Variants in CACNB2 observed in about 807,000 individuals in gnomAD.
CACNB2 encodes voltage-dependent L-type calcium channel subunit beta-2.
A neutral mutation model predicts 73.3 loss-of-function variants in CACNB2; 42 were observed. That is an observed-to-expected ratio of 0.57 (90% confidence interval 0.45 to 0.74). The LOEUF (loss-of-function observed/expected upper bound fraction) is 0.74, where lower values mean the gene tolerates loss of function less well. Among genes scored for constraint, CACNB2 ranks in the 30% least tolerant of loss-of-function variants. The pLI, the probability that CACNB2 is intolerant of heterozygous loss-of-function variation, is 0.00. For missense variants in CACNB2, 940 were observed against 853.0 expected, an observed-to-expected ratio of 1.10 and a Z score of -1.27; for synonymous variants, 348 against 310.3, an observed-to-expected ratio of 1.12 and a Z score of -1.28.
chr10:18,258,397 T>A lies in CACNB2; in HGVS notation c.213+107422T>A, dbSNP rs1281960936. On this transcript the variant is annotated intron_variant, in intron 2 of 13. Transcript: ENST00000324631. The stretch of plus-strand genomic sequence containing the variant: ...TTTATTCTTTATTCAGTTATTCTAG[T>A]AAAAATGTGGTGATAGAGGTGATGA... Among the ~76,000 whole-genome samples the A allele has an allele frequency of 3.3e-5, 5 of 152,324 alleles. No homozygotes were observed. In the East Asian group the frequency reaches 7.7e-4, roughly 24 times the overall value.
intron 2 of CACNB2, among the ~76,000 whole-genome samples, chr10:18,173,994 C>A (rs948543452): frequency 2.6e-5 from 4 of 152,044 alleles, no homozygotes; most frequent in Non-Finnish European, 5.9e-5. Context: ...ACTCTAGTAA[C>A]AAAAACTTAT....
chr10:18,325,031 A>G (rs992965833), intron 2 of CACNB2, among the ~76,000 whole-genome samples: 1 of 152,218 alleles, frequency 6.6e-6, no homozygotes, highest in African/African-American at 2.4e-5. Flanking sequence ...CTGCTCTGCT[A>G]TTATTCTGCT....
intron 2 of CACNB2, among the ~76,000 whole-genome samples, chr10:18,346,733 A>G (rs189411127): frequency 1.7e-4 from 26 of 151,940 alleles, no homozygotes; most frequent in Admixed American, 1.6e-3. Context: ...AGTAGCTGGG[A>G]CTACAGGCAT....
intron 4 of CACNB2, among the ~76,000 whole-genome samples, chr10:18,499,374 T>C (rs555473546): frequency 2.6e-4 from 39 of 151,662 alleles, no homozygotes; most frequent in Non-Finnish European, 5.5e-4. Context: ...TCCCAACACT[T>C]TGGGAGGCCA....
intron 3 of CACNB2, among the ~76,000 whole-genome samples, chr10:18,417,733 A>G (rs1323091618): frequency 6.6e-6 from 1 of 152,172 alleles, no homozygotes; most frequent in Non-Finnish European, 1.5e-5. Flanking sequence ...ATACAAATGG[A>G]ACGTACTTAA....
chr10:18,536,242 C>CTTT, intron 12 of CACNB2, 46 bp downstream of exon 12: 3 of 281,280 alleles, frequency 1.1e-5, no homozygotes, highest in South Asian at 8.7e-5. Flanking sequence ...AGAGATCAGA[C>CTTT]CTTTTTTTTT....
At chr10:18,356,066 C>T (rs1397399086) in intron 2 of CACNB2, among the ~76,000 whole-genome samples, 1 of 152,228 alleles carries the variant, frequency 6.6e-6, no homozygotes, top group East Asian at 1.9e-4. Flanking sequence ...CCCAAGGCTG[C>T]AGGCCCCTGG....
intron 3 of CACNB2, among the ~76,000 whole-genome samples, chr10:18,467,165 TAAATG>T (rs758326311): frequency 2.6e-5 from 4 of 152,102 alleles, no homozygotes; most frequent in Admixed American, 6.6e-5. Context: ...GTTAAATAAA[TAAATG>T]GAATAGGATG....
At chr10:18,307,983 CTTTT>C (rs869311555) in intron 2 of CACNB2, among the ~76,000 whole-genome samples, 2,431 of 70,212 alleles carry the variant, frequency 0.035, 84 homozygotes, top group Non-Finnish European at 0.041. Context: ...TATATGCCAA[CTTTT>C]TTTTTTTTTT....
chr10:18,498,551 A>C, intron 4 of CACNB2, 74 bp downstream of exon 4: 1 of 1,500,728 alleles, frequency 6.7e-7, no homozygotes. Context: ...TCCTATTCAT[A>C]TGCCGTTTCT....
intron 1 of CACNB2, among the ~76,000 whole-genome samples, chr10:18,149,125 C>T (rs1399971541): frequency 6.6e-6 from 1 of 151,600 alleles, no homozygotes; most frequent in African/African-American, 2.4e-5. Context: ...CCCAAAGAAA[C>T]AGGCCTTAAA....
At chr10:18,538,427 G>C (rs778734607) in intron 13 of CACNB2, 62 bp downstream of exon 13, 5 of 1,473,430 alleles carry the variant, frequency 3.4e-6, no homozygotes, top group South Asian at 2.3e-5. Context: ...GTTGCCTATG[G>C]TGACACCTCT....
At chr10:18,518,789 T>C in intron 8 of CACNB2, 121 bp from the exon 9 acceptor site, 1 of 873,876 alleles carries the variant, frequency 1.1e-6, no homozygotes, top group South Asian at 1.4e-5. Context: ...AACCTCATAT[T>C]GCCACTCTTT....
At chr10:18,524,090 G>C (rs182430107) in intron 9 of CACNB2, among the ~76,000 whole-genome samples, 2 of 152,200 alleles carry the variant, frequency 1.3e-5, no homozygotes, top group East Asian at 3.9e-4. Context: ...TGGATTCACA[G>C]TAACCAACTG....
intron 3 of CACNB2, among the ~76,000 whole-genome samples, chr10:18,443,720 T>TA (rs2046591497): frequency 6.6e-6 from 1 of 150,596 alleles, no homozygotes; most frequent in Non-Finnish European, 1.5e-5. Context: ...ACATACCTTT[T>TA]TTTTTTTTTT....
At chr10:18,498,831 G>T in intron 4 of CACNB2, 2 of 281,472 alleles carry the variant, frequency 7.1e-6, no homozygotes, top group Non-Finnish European at 6.9e-6. Context: ...AGGCATCTGG[G>T]GAGGGTTTAA....
intron 2 of CACNB2, among the ~76,000 whole-genome samples, chr10:18,319,314 G>A (rs931360845): frequency 2.0e-5 from 3 of 152,132 alleles, no homozygotes; most frequent in South Asian, 2.1e-4. Context: ...GGATGGAGCC[G>A]GAAGCCATCA....
At chr10:18,444,206 A>C (rs2132556602) in intron 3 of CACNB2, among the ~76,000 whole-genome samples, 2 of 152,270 alleles carry the variant, frequency 1.3e-5, no homozygotes, top group South Asian at 4.2e-4. Context: ...TGGAGCCCTC[A>C]TGAATGGGAT....
intron 2 of CACNB2, among the ~76,000 whole-genome samples, chr10:18,218,985 G>C (rs1329134130): frequency 1.3e-5 from 2 of 152,170 alleles, no homozygotes; most frequent in Admixed American, 6.5e-5. Context: ...GCAACATGGA[G>C]AAACCCTGTC....
Sources: allele counts gnomAD v4.1 joint callset (sites outside exome capture counted in the v4.1 genomes callset), GRCh38; gene constraint gnomAD v4.1.1; transcripts MANE v1.5; gene names NCBI Gene and HGNC (gene_info 2026-07-23, HGNC 2026-07-21).